The following CNTRL variants were observed in gnomAD, a reference collection of about 807,000 sequenced individuals.
CNTRL encodes the protein centriolin.
In CNTRL, 233 loss-of-function variants were observed where a neutral mutation model predicts 303.7. That is an observed-to-expected ratio of 0.77 (90% CI 0.69 to 0.86). CNTRL has a LOEUF of 0.86. Among genes scored for constraint, CNTRL ranks in the 40% least tolerant of loss-of-function variants. The probability of loss-of-function intolerance (pLI) is 0.00; values close to 1 mark genes in which losing one functional copy is unlikely to be tolerated. For missense variants in CNTRL, 2,524 were observed against 2,650.6 expected, an observed-to-expected ratio of 0.95 and a Z score of 1.05; for synonymous variants, 900 against 922.2, an observed-to-expected ratio of 0.98 and a Z score of 0.44.
chr9:121,131,684 G>A (rs2050868607), intron 14 of CNTRL, among the ~76,000 whole-genome samples: 1 of 152,194 alleles, frequency 6.6e-6, no homozygotes, highest in Admixed American at 6.5e-5. Context: ...TATGATGCTA[G>A]CTGGTTATTT....
At chr9:121,176,190 A>G (rs1250736119) in intron 43 of CNTRL, among the ~76,000 whole-genome samples, 1 of 152,232 alleles carries the variant, frequency 6.6e-6, no homozygotes, top group African/African-American at 2.4e-5. Flanking sequence ...TAGATAAGGA[A>G]TCTGTACAAA....
intron 16 of CNTRL, among the ~76,000 whole-genome samples, chr9:121,140,379 G>C (rs956936185): frequency 4.6e-5 from 7 of 152,174 alleles, no homozygotes; most frequent in Non-Finnish European, 1.0e-4. Context: ...CAATGGGCAT[G>C]GACAGTTTAC....
At chr9:121,155,658 T>C (rs996917073) in intron 27 of CNTRL, among the ~76,000 whole-genome samples, 5 of 151,974 alleles carry the variant, frequency 3.3e-5, no homozygotes, top group Middle Eastern at 3.2e-3. Flanking sequence ...CAGAGGGAAG[T>C]TGGGGAGAAA....
At chr9:121,173,827 C>T in intron 42 of CNTRL, 90 bp downstream of exon 42, 1 of 1,225,346 alleles carries the variant, frequency 8.2e-7, no homozygotes, top group South Asian at 1.2e-5. Flanking sequence ...GATGCTTTCA[C>T]ATCCATGCTG....
intron 14 of CNTRL, among the ~76,000 whole-genome samples, chr9:121,130,585 C>A (rs925235198): frequency 2.0e-5 from 3 of 152,136 alleles, no homozygotes; most frequent in African/African-American, 7.2e-5. Context: ...AAACCAGCTC[C>A]TGGATTCACT....
intron 30 of CNTRL, 52 bp downstream of exon 30, chr9:121,158,161 TA>T: frequency 6.3e-7 from 1 of 1,583,384 alleles, no homozygotes; most frequent in Non-Finnish European, 8.6e-7. Context: ...TTTATGATTA[TA>T]AAAGTAATAC....
intron 39 of CNTRL, among the ~76,000 whole-genome samples, 159 bp downstream of exon 39, chr9:121,169,975 T>C (rs2053239237): frequency 6.6e-6 from 1 of 152,194 alleles, no homozygotes; most frequent in African/African-American, 2.4e-5. Context: ...TCCTTGAAGT[T>C]GATGGTAAGT....
Position 121,152,612 on chromosome 9 carries a change from A to G in CNTRL, c.4091A>G (p.Asp1364Gly). ...ATGGAAGAACTGCATCATAATATTG[A>G]TGATCTTTTGCAAGAGAAGAAAAGC... Reference protein sequence around the residue: ...KEMEELHHNIDDLLQEKKSLE... With the variant: ...KEMEELHHNIGDLLQEKKSLE... Residue 1364 changes from aspartate to glycine, a missense_variant, in exon 26 of 44, where the codon GAT becomes GGT. Asp to Gly is a moderately conservative substitution (Grantham distance 94). Transcript: ENST00000373855. 6.2e-7 allele frequency: 1 copy of G among 1,614,136 alleles called. No homozygotes were observed.
At chr9:121,144,275 A>G (rs910220860) in intron 20 of CNTRL, among the ~76,000 whole-genome samples, 193 bp downstream of exon 20, 10 of 152,252 alleles carry the variant, frequency 6.6e-5, no homozygotes, top group Admixed American at 5.2e-4. Flanking sequence ...GCTGCCATGG[A>G]TACTGCGTTC....
intron 25 of CNTRL, among the ~76,000 whole-genome samples, chr9:121,151,317 T>C (rs2052229938): frequency 6.6e-6 from 1 of 151,874 alleles, no homozygotes; most frequent in South Asian, 2.1e-4. Context: ...TTACTGTATC[T>C]CTTAGGCTAG....
At chr9:121,171,225 G>A (rs536402895) in intron 39 of CNTRL, 183 bp from the exon 40 acceptor site, 7 of 686,732 alleles carry the variant, frequency 1.0e-5, no homozygotes, top group African/African-American at 7.0e-5. Context: ...AGACTCTGAC[G>A]TGTATATACG....
chr9:121,117,903 C>T lies in CNTRL; in HGVS notation c.1456-443C>T, dbSNP rs569703863. Among the ~76,000 whole-genome samples the T allele has an allele frequency of 4.6e-3, 693 of 151,596 alleles. 4 individuals carry two copies. Among genetic ancestry groups the T allele is most frequent in the South Asian group, 0.016 (75 of 4,808 alleles). On this transcript the variant is annotated intron_variant, in intron 11 of 43. Transcript: ENST00000373855. ...CTGAGGCAGGAGAATGGCGTGAACC[C>T]GGGATGCAGAGCTTGCGGTGAGCCG...
In CNTRL at chr9:121,175,154, C is replaced by A. The variant is rs762963605; in HGVS notation, c.6884C>A (p.Ser2295Ter). 5 of 1,614,042 alleles carry A rather than the reference C, an allele frequency of 3.1e-6. No homozygotes were observed. In the African/African-American group the frequency reaches 6.7e-5, roughly 22 times the overall value. The change falls in exon 43 of 44, where the codon TCA becomes TAA. Residue 2295 changes from serine (S) to a stop codon, truncating the protein, a stop_gained. Coordinates refer to ENST00000373855, the MANE Select transcript of CNTRL (RefSeq NM_007018.6). LOFTEE classifies it high-confidence loss of function. ...GELVTSTSAD[S>*]ASSPSLSQLE... is the part of the protein sequence containing the mutation. Reference sequence around the variant, plus strand: ...TTGGTCACCAGCACCTCTGCAGATTCAGCGTCATCACCCAGTCTGTCTCAG... The same window carrying A: ...TTGGTCACCAGCACCTCTGCAGATTAAGCGTCATCACCCAGTCTGTCTCAG...
At chr9:121,090,650 C>T (rs1221187064) in intron 4 of CNTRL, among the ~76,000 whole-genome samples, 1 of 152,130 alleles carries the variant, frequency 6.6e-6, no homozygotes, top group Non-Finnish European at 1.5e-5. Flanking sequence ...CAGATCAGGC[C>T]AGCTATCTAT....
At chr9:121,160,459 T>C (rs2052794231) in intron 32 of CNTRL, among the ~76,000 whole-genome samples, 157 bp downstream of exon 32, 1 of 152,234 alleles carries the variant, frequency 6.6e-6, no homozygotes, top group African/African-American at 2.4e-5. Context: ...TGATATTTTC[T>C]GCCATTTTAA....
At chr9:121,137,459 A>C (rs959000012) in intron 15 of CNTRL, among the ~76,000 whole-genome samples, 1 of 152,226 alleles carries the variant, frequency 6.6e-6, no homozygotes, top group African/African-American at 2.4e-5. Context: ...ATATGTGCCT[A>C]TTTGATGAAA....
intron 2 of CNTRL, among the ~76,000 whole-genome samples, chr9:121,083,285 G>A (rs935415928): frequency 5.3e-5 from 8 of 152,100 alleles, no homozygotes; most frequent in African/African-American, 1.7e-4. Flanking sequence ...GACTGTTGTA[G>A]TAAAACTTAG....
At chr9:121,078,717 C>G (rs928215553) in intron 1 of CNTRL, among the ~76,000 whole-genome samples, 2 of 152,188 alleles carry the variant, frequency 1.3e-5, no homozygotes, top group Admixed American at 1.3e-4. Flanking sequence ...CCCACAACTC[C>G]CTCCTTGGGT....
chr9:121,165,049 G>A lies in CNTRL; in HGVS notation c.5530G>A (p.Asp1844Asn), dbSNP rs1341699203. Residue 1844 changes from aspartate (D) to asparagine (N), a missense_variant, in exon 35 of 44, where the codon GAC becomes AAC. Physicochemically the swap from Asp to Asn is conservative, Grantham distance 23. Coordinates refer to ENST00000373855, the MANE Select transcript of CNTRL (RefSeq NM_007018.6). ...GCAGGAACTAGACCAACTAAACAGAGACAAGTTGTCACTGCATAACGACAT... is the reference window on the plus strand; with the variant it reads ...GCAGGAACTAGACCAACTAAACAGAAACAAGTTGTCACTGCATAACGACAT... ...LQQELDQLNRDKLSLHNDISA... is the reference protein window; with the variant it reads ...LQQELDQLNRNKLSLHNDISA... The A allele has an allele frequency of 1.9e-6, 3 of 1,606,982 alleles. No individual in the cohort carries two copies. The highest frequency in any genetic ancestry group is 1.3e-5 in the African/African-American group (1 of 74,348).
Sources: gnomAD v4.1 joint callset for allele counts (sites outside exome capture counted in the v4.1 genomes callset) on GRCh38, gnomAD v4.1.1 for gene constraint, MANE v1.5 for transcripts, NCBI Gene and HGNC (gene_info 2026-07-23, HGNC 2026-07-21) for gene names.